The following ELFN1 variants were observed in gnomAD, a reference collection of about 807,000 sequenced individuals.
ELFN1 encodes the protein protein ELFN1.
A neutral mutation model predicts 7.6 loss-of-function variants in ELFN1; 6 were observed. The observed-to-expected ratio is 0.79, with a 90% CI of 0.43 to 1.56. ELFN1 has a LOEUF of 1.56. Ranked by LOEUF, ELFN1 falls within the 40% of genes most tolerant of loss-of-function variation. The pLI, the probability that ELFN1 is intolerant of heterozygous loss-of-function variation, is 0.01. For missense variants in ELFN1, 1,169 were observed against 1,232.2 expected (o/e 0.95, Z 0.77); for synonymous variants, 657 against 588.1 (o/e 1.12, Z -1.70).
At chr7:1,728,992 C>T (rs1488224894) in intron 3 of ELFN1, among the ~76,000 whole-genome samples, 2 of 152,188 alleles carry the variant, frequency 1.3e-5, no homozygotes, top group Admixed American at 1.3e-4. Flanking sequence ...AACTTAAGGA[C>T]ATTCTGCAAA....
At chr7:1,698,946 C>G (rs1779370612) in intron 2 of ELFN1, among the ~76,000 whole-genome samples, 1 of 152,144 alleles carries the variant, frequency 6.6e-6, no homozygotes, top group Non-Finnish European at 1.5e-5. Context: ...CTCCAGGTCA[C>G]CTCTCCCCCA....
chr7:1,726,062 C>T (rs1780187393), intron 3 of ELFN1, among the ~76,000 whole-genome samples: 1 of 151,908 alleles, frequency 6.6e-6, no homozygotes, highest in Admixed American at 6.6e-5. Context: ...ACACAATACA[C>T]ACACACACAA....
rs1554245548 is a variant in ELFN1, at chr7:1,675,058, A to ACCCCACACCTCATATCC, written c.-549+4704_-549+4705insCCCCACACCTCATATCC. ...CACCTCATATCCGGGCTCAGCTGGG[A>ACCCCACACCTCATATCC]GAGTGCCCTGGCCTTACCGACGGGG... On this transcript the variant is annotated intron_variant, in intron 1 of 3. Transcript: ENST00000424383. 4.6e-5 allele frequency among the ~76,000 whole-genome samples: 7 copies of ACCCCACACCTCATATCC among 152,216 alleles called. No individual in the cohort carries two copies. The South Asian group carries it at 1.0e-3, about 23-fold the overall frequency.
chr7:1,745,634 G>A lies in ELFN1; in HGVS notation c.1038G>A (p.Glu346=), dbSNP rs1370999294. ...CGTTCCACCGGATGTACACCCTGGA[G>A]CATTTCAACAACAGCAAGGCCTCCA... is the stretch of plus-strand genomic sequence containing the variant. ...PSPFHRMYTL[E]HFNNSKASTV... The change falls in exon 4 of 4, where the codon GAG becomes GAA. Residue 346 remains glutamate (E), a synonymous_variant. Transcript: ENST00000424383. 7 of 1,551,212 alleles carry A rather than the reference G, an allele frequency of 4.5e-6. No individual in the cohort carries two copies. Among genetic ancestry groups the A allele is most frequent in the Middle Eastern group, 1.7e-4 (1 of 5,992 alleles).
At chr7:1,729,315 G>A (rs1054827410) in intron 3 of ELFN1, among the ~76,000 whole-genome samples, 2 of 152,212 alleles carry the variant, frequency 1.3e-5, no homozygotes, top group Admixed American at 6.5e-5. Flanking sequence ...CCTGCACCCC[G>A]GGGCTCAGGG....
Position 1,747,210 on chromosome 7 carries a change from A to AG in ELFN1, c.*133dup. The stretch of plus-strand genomic sequence containing the variant: ...GACAGCGGGGGGCCCTGCAGAGGCG[A>AG]GGGGGGAGCGAGTGGGGACAGACAA... On this transcript the variant is annotated 3_prime_UTR_variant, in exon 4 of 4. Coordinates refer to ENST00000424383, the MANE Select transcript of ELFN1 (RefSeq NM_001128636.4). The AG allele has an allele frequency of 1.8e-6, 2 of 1,129,766 alleles. No homozygotes were observed. The highest frequency in any genetic ancestry group is 2.4e-6 in the Non-Finnish European group (2 of 834,674). 70.0% of individuals were successfully genotyped at this position (1,129,766 alleles called of 1,614,324 possible).
intron 3 of ELFN1, among the ~76,000 whole-genome samples, chr7:1,733,191 G>A (rs950111230): frequency 8.5e-5 from 13 of 152,144 alleles, no homozygotes; most frequent in African/African-American, 2.7e-4. Flanking sequence ...GTGAGCCACC[G>A]CACCCAGCCC....
At chr7:1,718,203 G>A (rs532756742) in intron 3 of ELFN1, among the ~76,000 whole-genome samples, 86 of 152,334 alleles carry the variant, frequency 5.6e-4, no homozygotes, top group African/African-American at 1.8e-3. Flanking sequence ...CTCCACTCAC[G>A]TCCCGTTGGC....
In ELFN1 at chr7:1,728,971, G is replaced by A. The variant is rs1263724101; in HGVS notation, c.-293-15333G>A. Among the ~76,000 whole-genome samples the A allele has an allele frequency of 3.3e-5, 5 of 152,190 alleles. No individual in the cohort carries two copies. In the East Asian group the frequency reaches 9.6e-4, roughly 29 times the overall value. On this transcript the variant is annotated intron_variant, in intron 3 of 3. Coordinates refer to ENST00000424383, the MANE Select transcript of ELFN1 (RefSeq NM_001128636.4). ...GCCCCATTTGTCAGAAAGGTAAACT[G>A]AGGCTCAAAGAACTTAAGGACATTC...
At chr7:1,723,921 C>T (rs574896956) in intron 3 of ELFN1, among the ~76,000 whole-genome samples, 2 of 152,294 alleles carry the variant, frequency 1.3e-5, no homozygotes, top group Non-Finnish European at 1.5e-5. Flanking sequence ...GATGAGCTGA[C>T]GTTGTGTCCC....
rs1187806167 is a variant in ELFN1 at position 1,673,136 on chromosome 7, A to G, written c.-549+2782A>G. ...TTTTGTTGTGGATTTGGTTTCTTCC[A>G]GCACAAGCTCAGGTGTCAAGTGGCC... On this transcript the variant is annotated intron_variant, in intron 1 of 3. Transcript: ENST00000424383. This position sits in a 1 kb window ranked among gnomAD's most constrained non-coding sequence, Gnocchi z 4.7. Among the ~76,000 whole-genome samples, 1 of 151,544 alleles carries G rather than the reference A, an allele frequency of 6.6e-6. No homozygotes were observed. The highest frequency in any genetic ancestry group is 1.5e-5 in the Non-Finnish European group (1 of 67,918).
At chr7:1,681,770 G>A (rs1778979491) in intron 1 of ELFN1, among the ~76,000 whole-genome samples, 1 of 152,198 alleles carries the variant, frequency 6.6e-6, no homozygotes, top group Non-Finnish European at 1.5e-5. Context: ...GCTATTGTCG[G>A]TCTTTTTATT....
At chr7:1,736,789 C>G (rs969340777) in intron 3 of ELFN1, among the ~76,000 whole-genome samples, 2 of 152,200 alleles carry the variant, frequency 1.3e-5, no homozygotes. Context: ...GACTCTGGCT[C>G]TGGCCCGGAT....
intron 3 of ELFN1, among the ~76,000 whole-genome samples, chr7:1,723,989 G>A (rs533075932): frequency 1.1e-4 from 16 of 152,342 alleles, no homozygotes; most frequent in Non-Finnish European, 1.9e-4. Context: ...TGTGAGCCAC[G>A]TGGGATGTGG....
chr7:1,732,195 T>C (rs1780339702), intron 3 of ELFN1, among the ~76,000 whole-genome samples: 1 of 152,010 alleles, frequency 6.6e-6, no homozygotes, highest in Non-Finnish European at 1.5e-5. Context: ...ATCTGGGGGC[T>C]GAACAGAGAA....
chr7:1,730,465 T>A (rs1268215262), intron 3 of ELFN1, among the ~76,000 whole-genome samples: 1 of 152,172 alleles, frequency 6.6e-6, no homozygotes, highest in Non-Finnish European at 1.5e-5. Flanking sequence ...TTCCACAGAA[T>A]ATCACAGAGA....
intron 3 of ELFN1, among the ~76,000 whole-genome samples, chr7:1,731,727 C>T (rs529647513): frequency 6.6e-6 from 1 of 152,344 alleles, no homozygotes; most frequent in African/African-American, 2.4e-5. Flanking sequence ...TCTCAGCTCA[C>T]TGCAATCTCC....
intron 2 of ELFN1, among the ~76,000 whole-genome samples, chr7:1,698,900 C>T (rs947924392): frequency 1.3e-5 from 2 of 152,182 alleles, no homozygotes; most frequent in African/African-American, 4.8e-5. Flanking sequence ...AAACCAGCCC[C>T]CCGTGTCACC....
chr7:1,688,198 T>G (rs941133202), intron 2 of ELFN1, 48 bp downstream of exon 2: 7 of 152,126 alleles, frequency 4.6e-5, no homozygotes, highest in Non-Finnish European at 7.4e-5. Flanking sequence ...GTTGCATTCT[T>G]TATATGTTTG....
Sources: gnomAD v4.1 joint callset for allele counts (sites outside exome capture counted in the v4.1 genomes callset) on GRCh38, gnomAD v4.1.1 for gene constraint, Gnocchi (gnomAD v3.1) non-coding constraint, MANE v1.5 for transcripts, NCBI Gene and HGNC (gene_info 2026-07-23, HGNC 2026-07-21) for gene names.